The following BRI3 variants were observed in gnomAD, a reference collection of about 807,000 sequenced individuals.
The protein encoded by BRI3 is brain protein I3.
BRI3 carries 6 observed loss-of-function variants against 12.8 expected under a neutral mutation model. The observed-to-expected ratio is 0.47, with a 90% confidence interval of 0.26 to 0.93. BRI3 has a LOEUF of 0.93. BRI3 is among the 40% of genes least tolerant of loss of function. BRI3 has a pLI of 0.15. For synonymous variants in BRI3, 91 were observed against 76.1 expected (o/e 1.20, Z -1.02); for missense variants, 134 against 171.1 (o/e 0.78, Z 1.21).
downstream of BRI3, chr7:98,310,709 CAG>C: frequency 1.9e-6 from 1 of 528,008 alleles, no homozygotes; most frequent in Non-Finnish European, 2.9e-6. Flanking sequence ...TATTTTGAGA[CAG>C]AGTCTCGCTG....
exon 2 of BRI3, chr7:98,308,877 C>T (rs1302112341): frequency 6.5e-6 from 1 of 152,858 alleles, no homozygotes; most frequent in Non-Finnish European, 1.5e-5. Context: ...CAGTGTCTCG[C>T]TATGTTGCCC....
Position 98,281,744 on chromosome 7 carries a change from C to A in BRI3, c.-52C>A. The A allele has an allele frequency of 2.1e-6, 2 of 945,182 alleles. No homozygotes were observed. The highest frequency in any genetic ancestry group is 2.5e-6 in the Non-Finnish European group (2 of 792,178). 58.5% of individuals were successfully genotyped at this position (945,182 alleles called of 1,614,324 possible). A position where few individuals can be genotyped will look rare whatever the true frequency, so the allele number is the denominator to read the frequency against. On this transcript the variant is annotated 5_prime_UTR_variant, in exon 1 of 3. Coordinates refer to ENST00000297290, the MANE Select transcript of BRI3 (RefSeq NM_015379.5). ...CCGCCGCCGCCGCCGCGTCCCCCGC[C>A]GGGGCCGACCGAGCCGAGCCGGGCC...
rs1330339538 is a variant in BRI3, at chr7:98,291,115, G to A, written c.250G>A (p.Gly84Arg). The change falls in exon 3 of 3, where the codon GGG becomes AGG. Residue 84 changes from glycine (G) to arginine (R), a missense_variant. Physicochemically the swap from Gly to Arg is moderately radical, Grantham distance 125. Coordinates refer to ENST00000297290, the MANE Select transcript of BRI3 (RefSeq NM_015379.5). Reference sequence around the variant, plus strand: ...CTCTGCCCGTCTCTGCTGCAGGGTTGGGGTGCTGGAGGACTGCTTCACCTT... The same window carrying A: ...CTCTGCCCGTCTCTGCTGCAGGGTTAGGGTGCTGGAGGACTGCTTCACCTT... ...VVGGCPVCRV[G>R]VLEDCFTFLG... 1 of 1,614,130 alleles carries A rather than the reference G, an allele frequency of 6.2e-7. No individual in the cohort carries two copies. The highest frequency in any genetic ancestry group is 1.3e-5 in the African/African-American group (1 of 75,028).
At chr7:98,306,260 G>A (rs553839402), upstream of BRI3, among the ~76,000 whole-genome samples, 1 of 152,268 alleles carries the variant, frequency 6.6e-6, no homozygotes, top group Admixed American at 6.5e-5. Flanking sequence ...CAGCAGCAAA[G>A]CTCGGGGACA....
chr7:98,317,600 C>T, the BRI3 span, among the ~76,000 whole-genome samples: 1 of 151,832 alleles, frequency 6.6e-6, no homozygotes, highest in Admixed American at 6.6e-5. Flanking sequence ...TCCCTCAGTT[C>T]ACACCGTCTG....
At chr7:98,288,427 C>A (rs1474077735) in intron 2 of BRI3, among the ~76,000 whole-genome samples, 1 of 152,008 alleles carries the variant, frequency 6.6e-6, no homozygotes, top group African/African-American at 2.4e-5. Context: ...CAGGGGCAGC[C>A]CTGGGCAAGG....
downstream of BRI3, among the ~76,000 whole-genome samples, chr7:98,313,792 C>CTTT (rs543402978): frequency 7.5e-6 from 1 of 132,940 alleles, no homozygotes; most frequent in African/African-American, 2.7e-5. Context: ...CTAATTAAAA[C>CTTT]TTTTTTTTTT....
At chr7:98,291,679 T>G, downstream of BRI3, 4 of 281,474 alleles carry the variant, frequency 1.4e-5, 1 homozygote, top group Non-Finnish European at 2.2e-5. Context: ...ATTATTAAAG[T>G]TGTAATCCCT....
chr7:98,315,545 G>A, the BRI3 span: 2 of 1,516,962 alleles, frequency 1.3e-6, no homozygotes, highest in Non-Finnish European at 1.8e-6. Context: ...TTCAAGCAGA[G>A]CCTCTTTGCA....
intron 2 of BRI3, among the ~76,000 whole-genome samples, chr7:98,287,136 G>C (rs1367064768): frequency 6.6e-6 from 1 of 152,256 alleles, no homozygotes; most frequent in African/African-American, 2.4e-5. Flanking sequence ...GCAGAGGCCT[G>C]AGCCTCCTGG....
At chr7:98,293,796 G>T (rs960532872), downstream of BRI3, among the ~76,000 whole-genome samples, 1 of 152,220 alleles carries the variant, frequency 6.6e-6, no homozygotes, top group Non-Finnish European at 1.5e-5. Flanking sequence ...GCTGCAGAAC[G>T]ATCCCAGGTT....
At chr7:98,307,688 C>T (rs1800711056) in exon 2 of BRI3, 7 of 1,613,810 alleles carry the variant, frequency 4.3e-6, no homozygotes, top group Non-Finnish European at 5.9e-6. Flanking sequence ...CCCAGACTTA[C>T]GCCTTGGACA....
downstream of BRI3, among the ~76,000 whole-genome samples, chr7:98,296,047 C>G (rs1054445248): frequency 1.3e-5 from 2 of 152,106 alleles, no homozygotes; most frequent in African/African-American, 4.8e-5. Flanking sequence ...CAGCCCAGAC[C>G]AGAAACACCA....
downstream of BRI3, among the ~76,000 whole-genome samples, chr7:98,314,905 T>G (rs1243802625): frequency 6.6e-6 from 1 of 152,224 alleles, no homozygotes. Context: ...TTTTCAATGA[T>G]GAAGCATTAT....
chr7:98,298,605 T>A (rs1800289030), intron 1 of BRI3, among the ~76,000 whole-genome samples: 1 of 151,878 alleles, frequency 6.6e-6, no homozygotes, highest in Admixed American at 6.6e-5. Context: ...AGAGCAAGAC[T>A]CTGTCTCAAA....
intron 1 of BRI3, among the ~76,000 whole-genome samples, chr7:98,298,271 T>C (rs1247084827): frequency 2.0e-5 from 3 of 151,944 alleles, no homozygotes; most frequent in Non-Finnish European, 1.5e-5. Flanking sequence ...TCACACGACC[T>C]GTAACTCACA....
At chr7:98,289,893 C>A (rs1584397002) in intron 2 of BRI3, among the ~76,000 whole-genome samples, 1 of 152,234 alleles carries the variant, frequency 6.6e-6, no homozygotes, top group South Asian at 2.1e-4. Context: ...AACCTAGGCT[C>A]ACTGGCGCAG....
At chr7:98,284,470 C>G (rs1469366019) in intron 2 of BRI3, among the ~76,000 whole-genome samples, 1 of 152,186 alleles carries the variant, frequency 6.6e-6, no homozygotes, top group African/African-American at 2.4e-5. Flanking sequence ...GTCCCTGGGC[C>G]ACTCCTCTCT....
At chr7:98,318,620 T>C in the BRI3 span, among the ~76,000 whole-genome samples, 3,687 of 151,492 alleles carry the variant, frequency 0.024, 148 homozygotes, top group African/African-American at 0.085. Flanking sequence ...ATTCAAATCC[T>C]TGTTTTCCCT....
Sources: allele counts gnomAD v4.1 joint callset (sites outside exome capture counted in the v4.1 genomes callset), GRCh38; gene constraint gnomAD v4.1.1; transcripts MANE v1.5; gene names NCBI Gene and HGNC (gene_info 2026-07-23, HGNC 2026-07-21).